The following LSAMP variants were observed in gnomAD, a reference collection of about 807,000 sequenced individuals.
LSAMP encodes limbic system associated membrane protein.
In LSAMP, 7 loss-of-function variants were observed where a neutral mutation model predicts 38.6. The observed-to-expected ratio is 0.18, with a 90% CI of 0.10 to 0.34. The LOEUF is 0.34. LSAMP is among the 10% of genes least tolerant of loss of function. LSAMP has a pLI of 1.00. For synonymous variants in LSAMP, 154 were observed against 166.8 expected (o/e 0.92, Z 0.59); for missense variants, 313 against 420.0 (o/e 0.75, Z 2.23).
At chr3:115,885,394 G>T (rs962583282) in intron 3 of LSAMP, among the ~76,000 whole-genome samples, 2 of 151,964 alleles carry the variant, frequency 1.3e-5, no homozygotes, top group Non-Finnish European at 2.9e-5. Context: ...TTGTCTATGT[G>T]CCCAGGAGAG....
intron 2 of LSAMP, among the ~76,000 whole-genome samples, chr3:116,054,209 G>A (rs1941448008): frequency 6.6e-6 from 1 of 152,090 alleles, no homozygotes; most frequent in Non-Finnish European, 1.5e-5. Flanking sequence ...TTTTGATTTT[G>A]ACTCTGAAGC....
chr3:116,348,425 T>G (rs917306438), intron 1 of LSAMP, among the ~76,000 whole-genome samples: 1 of 152,140 alleles, frequency 6.6e-6, no homozygotes, highest in Non-Finnish European at 1.5e-5. Flanking sequence ...TCCTTTTTCT[T>G]TAACAAAGCA....
At chr3:116,000,826 G>A (rs1305741867) in intron 3 of LSAMP, among the ~76,000 whole-genome samples, 1 of 152,144 alleles carries the variant, frequency 6.6e-6, no homozygotes, top group Non-Finnish European at 1.5e-5. Context: ...TTTTCTAGTA[G>A]AGACCACTGA....
At chr3:115,849,633 G>A (rs924468240) in intron 4 of LSAMP, among the ~76,000 whole-genome samples, 12 of 152,134 alleles carry the variant, frequency 7.9e-5, no homozygotes, top group South Asian at 4.1e-4. Context: ...TTTCATGGCC[G>A]GTAGGATTAG....
chr3:116,072,752 G>GTTT (rs36091421), intron 2 of LSAMP, among the ~76,000 whole-genome samples: 1,999 of 112,298 alleles, frequency 0.018, 56 homozygotes, highest in South Asian at 0.025. Context: ...GTTGTTTGTG[G>GTTT]TTTTTTTTTT....
At chr3:116,119,279 G>A (rs930328003) in intron 1 of LSAMP, among the ~76,000 whole-genome samples, 2 of 151,712 alleles carry the variant, frequency 1.3e-5, no homozygotes, top group Non-Finnish European at 2.9e-5. Flanking sequence ...TCTTCTTCCA[G>A]TGGCAACTAG....
chr3:115,942,156 C>T (rs935750712), intron 3 of LSAMP, among the ~76,000 whole-genome samples: 1 of 151,850 alleles, frequency 6.6e-6, no homozygotes, highest in South Asian at 2.1e-4. Context: ...TAGATACATG[C>T]TATAAAAAGA....
intron 3 of LSAMP, among the ~76,000 whole-genome samples, chr3:115,935,729 A>G (rs908508909): frequency 2.2e-4 from 34 of 152,318 alleles, no homozygotes; most frequent in African/African-American, 8.2e-4. Context: ...AGGGAAGCAG[A>G]AAAGGAAGAG....
intron 3 of LSAMP, among the ~76,000 whole-genome samples, chr3:115,919,291 C>T (rs982209064): frequency 6.6e-5 from 10 of 152,086 alleles, no homozygotes; most frequent in African/African-American, 1.2e-4. Flanking sequence ...TTGCAGGTGA[C>T]GTTTCTTGTG....
At chr3:116,169,602 C>T (rs564320064) in intron 1 of LSAMP, among the ~76,000 whole-genome samples, 1 of 152,266 alleles carries the variant, frequency 6.6e-6, no homozygotes, top group African/African-American at 2.4e-5. Flanking sequence ...CAGAACAATC[C>T]CCATTCCTCA....
chr3:116,160,671 A>C (rs1190963414), intron 1 of LSAMP, among the ~76,000 whole-genome samples: 1 of 151,830 alleles, frequency 6.6e-6, no homozygotes, highest in East Asian at 1.9e-4. Flanking sequence ...CTAAAATTGA[A>C]AATAAAATAA....
chr3:116,053,786 TG>T (rs931451115), intron 2 of LSAMP, among the ~76,000 whole-genome samples: 6 of 152,164 alleles, frequency 3.9e-5, no homozygotes, highest in Admixed American at 2.0e-4. Context: ...TCTTTTTGCG[TG>T]GGAGAGTAAT....
At chr3:115,983,673 A>G (rs1448478608) in intron 3 of LSAMP, among the ~76,000 whole-genome samples, 1 of 152,190 alleles carries the variant, frequency 6.6e-6, no homozygotes, top group Admixed American at 6.5e-5. Flanking sequence ...AGATTTTCCA[A>G]AATAAGTAAT....
intron 2 of LSAMP, among the ~76,000 whole-genome samples, chr3:116,063,466 TAAAC>T (rs1301297181): frequency 6.6e-6 from 1 of 152,102 alleles, no homozygotes; most frequent in Non-Finnish European, 1.5e-5. Context: ...ACAGGAAAAA[TAAAC>T]AGAATAGCTG....
At chr3:116,242,724 G>A (rs1312111449) in intron 1 of LSAMP, among the ~76,000 whole-genome samples, 1 of 150,622 alleles carries the variant, frequency 6.6e-6, no homozygotes, top group Non-Finnish European at 1.5e-5. Flanking sequence ...GATCTTTGCA[G>A]CCCAAACGTG....
intron 1 of LSAMP, among the ~76,000 whole-genome samples, chr3:116,220,774 T>G (rs964528379): frequency 2.0e-5 from 3 of 152,152 alleles, no homozygotes; most frequent in Non-Finnish European, 4.4e-5. Flanking sequence ...AATGTTGACA[T>G]GGCCAGAATA....
intron 2 of LSAMP, among the ~76,000 whole-genome samples, chr3:116,031,708 TG>T (rs1461419644): frequency 4.0e-5 from 6 of 151,716 alleles, no homozygotes; most frequent in Non-Finnish European, 1.5e-5. Flanking sequence ...AGTTGTTTTT[TG>T]CCACTGCTTA....
chr3:116,279,690 G>A (rs2047101978), intron 1 of LSAMP, among the ~76,000 whole-genome samples: 1 of 152,140 alleles, frequency 6.6e-6, no homozygotes, highest in African/African-American at 2.4e-5. Context: ...ACTGTCACAT[G>A]TAGATTGCTG....
chr3:115,909,102 C>T (rs541700896), intron 3 of LSAMP, among the ~76,000 whole-genome samples: 14 of 152,246 alleles, frequency 9.2e-5, no homozygotes, highest in African/African-American at 2.4e-4. Flanking sequence ...AATGCCCGTC[C>T]GGTTCAATAT....
Sources: gnomAD v4.1 joint callset for allele counts (sites outside exome capture counted in the v4.1 genomes callset) on GRCh38, gnomAD v4.1.1 for gene constraint, MANE v1.5 for transcripts, NCBI Gene and HGNC (gene_info 2026-07-23, HGNC 2026-07-21) for gene names.